Variants in PPM1B observed in about 807,000 individuals in gnomAD.
The protein encoded by PPM1B is protein phosphatase, Mg2+/Mn2+ dependent 1B, also known as protein phosphatase 1B.
Under a neutral mutation model 43.0 loss-of-function variants are expected in PPM1B, and 22 were observed. The ratio of observed to expected loss-of-function variants is 0.51; its 90% CI spans 0.37 to 0.73. PPM1B has a LOEUF of 0.73. Ranked by LOEUF, PPM1B falls within the 30% of genes least tolerant of loss-of-function variation. The probability of loss-of-function intolerance (pLI) is 0.00; values close to 1 mark genes in which losing one functional copy is unlikely to be tolerated. For synonymous variants in PPM1B, 217 were observed against 197.9 expected, an observed-to-expected ratio of 1.10 and a Z score of -0.81; for missense variants, 632 against 584.2, an observed-to-expected ratio of 1.08 and a Z score of -0.84.
At chr2:44,220,519 T>C (rs1396848082) in intron 5 of PPM1B, among the ~76,000 whole-genome samples, 3 of 152,226 alleles carry the variant, frequency 2.0e-5, no homozygotes, top group African/African-American at 7.2e-5. Flanking sequence ...ATATATGTAC[T>C]TAATTACCTT....
chr2:44,175,271 G>C (rs778392801), intron 1 of PPM1B, among the ~76,000 whole-genome samples: 2 of 151,976 alleles, frequency 1.3e-5, no homozygotes, highest in Non-Finnish European at 2.9e-5. Context: ...AAAAGTGGGG[G>C]TGGGGGAACA....
At chr2:44,231,559 A>G (rs1409510209), downstream of PPM1B, 3 of 682,988 alleles carry the variant, frequency 4.4e-6, no homozygotes, top group East Asian at 1.3e-4. Flanking sequence ...ATTCATTTGT[A>G]TTTATATAAC....
chr2:44,201,148 CA>C lies in PPM1B; in HGVS notation c.-14-35del. ...GGAATATTGTACATACATTTTCTGT[CA>C]AATTTAAACATTTAACACCTGCATT... On this transcript the variant is annotated intron_variant, in intron 1 of 5. Transcript: ENST00000282412. This position sits in a 1 kb window ranked among gnomAD's most constrained non-coding sequence, Gnocchi z 5.4. 1 of 1,514,900 alleles carries C rather than the reference CA, an allele frequency of 6.6e-7. No homozygotes were observed. The highest frequency in any genetic ancestry group is 1.3e-5 in the South Asian group (1 of 75,454). The allele number at this position is 1,514,900 out of a possible 1,614,324, so 93.8% of individuals were successfully genotyped here. A position where few individuals can be genotyped will look rare whatever the true frequency, so the allele number is the denominator to read the frequency against.
At position 44,231,327 on chromosome 2, in the gene PPM1B, G is replaced by A. The variant is rs1401037982; in HGVS notation, c.*609G>A. On this transcript the variant is annotated 3_prime_UTR_variant, in exon 6 of 6. Coordinates refer to ENST00000282412, the MANE Select transcript of PPM1B (RefSeq NM_002706.6). ...GTATTCTTTATGAAACATAACTTTTGAAAAACCTATGTATTATTCATACAG... is the reference window on the plus strand; with the variant it reads ...GTATTCTTTATGAAACATAACTTTTAAAAAACCTATGTATTATTCATACAG... The A allele has an allele frequency of 1.0e-6, 1 of 979,762 alleles. No individual in the cohort carries two copies. Among genetic ancestry groups the A allele is most frequent in the East Asian group, 1.1e-4 (1 of 8,798 alleles). The allele number at this position is 979,762 out of a possible 1,614,324, so 60.7% of individuals were successfully genotyped here.
chr2:44,205,356 T>TGTGG (rs1276024228), intron 2 of PPM1B, among the ~76,000 whole-genome samples: 2 of 145,082 alleles, frequency 1.4e-5, no homozygotes, highest in Non-Finnish European at 3.1e-5. Flanking sequence ...TGGGTGTGGG[T>TGTGG]GTGTGTGTGT....
intron 5 of PPM1B, 50 bp from the exon 6 acceptor site, chr2:44,230,363 T>G (rs375973434): frequency 7.0e-5 from 112 of 1,589,742 alleles, no homozygotes; most frequent in Non-Finnish European, 9.1e-5. Flanking sequence ...GAAATACATG[T>G]GATATCCTAG....
At chr2:44,208,618 C>A (rs1257356357) in intron 2 of PPM1B, among the ~76,000 whole-genome samples, 2 of 152,182 alleles carry the variant, frequency 1.3e-5, no homozygotes, top group African/African-American at 4.8e-5. Context: ...GAGGCTGAGG[C>A]AGGAGAATTG....
chr2:44,212,781 C>A (rs184242064), intron 3 of PPM1B, among the ~76,000 whole-genome samples: 5 of 151,926 alleles, frequency 3.3e-5, no homozygotes, highest in African/African-American at 1.2e-4. Context: ...GAGACCGAGG[C>A]GGGCAGATCA....
chr2:44,205,116 A>G (rs1572720053), intron 2 of PPM1B, among the ~76,000 whole-genome samples: 1 of 152,184 alleles, frequency 6.6e-6, no homozygotes, highest in South Asian at 2.1e-4. Flanking sequence ...TAACTTGTAA[A>G]TGATACATAC....
intron 5 of PPM1B, among the ~76,000 whole-genome samples, chr2:44,242,155 G>T (rs1242616188): frequency 6.6e-6 from 1 of 152,098 alleles, no homozygotes. Context: ...ACCACGCCTG[G>T]CCAGAAAATA....
At chr2:44,171,941 C>A (rs956646243) in intron 1 of PPM1B, among the ~76,000 whole-genome samples, 1 of 150,852 alleles carries the variant, frequency 6.6e-6, no homozygotes, top group African/African-American at 2.4e-5. Flanking sequence ...TAGTATAATT[C>A]TAACTCTCGC....
At chr2:44,195,683 T>TA (rs1479370676) in intron 1 of PPM1B, among the ~76,000 whole-genome samples, 2 of 152,160 alleles carry the variant, frequency 1.3e-5, no homozygotes, top group Admixed American at 6.5e-5. Context: ...TCTCTAAAAA[T>TA]AAAAAATACA....
At chr2:44,173,340 TA>T (rs1320517970) in intron 1 of PPM1B, among the ~76,000 whole-genome samples, 14 of 152,272 alleles carry the variant, frequency 9.2e-5, no homozygotes, top group Non-Finnish European at 1.6e-4. Flanking sequence ...TTTAGTAACA[TA>T]TAACATCCTA....
At chr2:44,218,229 A>G in intron 4 of PPM1B, 151 bp downstream of exon 4, 1 of 698,318 alleles carries the variant, frequency 1.4e-6, no homozygotes, top group East Asian at 2.7e-5. Context: ...TAAAACTTCA[A>G]CCAAAAACGA....
At chr2:44,218,150 T>A in intron 4 of PPM1B, 72 bp downstream of exon 4, 3 of 1,131,496 alleles carry the variant, frequency 2.7e-6, no homozygotes, top group Non-Finnish European at 4.0e-6. Flanking sequence ...TAAAAAAACT[T>A]AAATCAGAAG....
At chr2:44,221,459 A>G (rs1337628353) in intron 5 of PPM1B, among the ~76,000 whole-genome samples, 2 of 152,228 alleles carry the variant, frequency 1.3e-5, no homozygotes, top group African/African-American at 4.8e-5. Context: ...AAGGTGCTCC[A>G]TAAATGCTTC....
At chr2:44,207,377 T>C (rs188216796) in intron 2 of PPM1B, among the ~76,000 whole-genome samples, 243 of 152,228 alleles carry the variant, frequency 1.6e-3, no homozygotes, top group African/African-American at 5.6e-3. Context: ...TCAGACAAAA[T>C]AGCCTACCAC....
Position 44,244,298 on chromosome 2 carries a change from A to C in PPM1B, n.1617A>C, listed in dbSNP as rs1670811306. On this transcript the variant is annotated non_coding_transcript_exon_variant, in exon 6 of 6. Transcript: ENST00000378540. ...GGTGACAAGAAAGGCAGTGGCTGGCAGACCTTCCAAGCACTCAGAAGCACG... is the reference window on the plus strand; with the variant it reads ...GGTGACAAGAAAGGCAGTGGCTGGCCGACCTTCCAAGCACTCAGAAGCACG... The C allele has an allele frequency of 4.4e-6, 6 of 1,360,786 alleles. No individual in the cohort carries two copies. The South Asian group carries it at 5.7e-5, about 13-fold the overall frequency. The allele number at this position is 1,360,786 out of a possible 1,614,324, so 84.3% of individuals were successfully genotyped here. A position where few individuals can be genotyped will look rare whatever the true frequency, so the allele number is the denominator to read the frequency against.
At position 44,201,039 on chromosome 2, in the gene PPM1B, A is replaced by G. The variant is rs1474135471; in HGVS notation, c.-14-147A>G. 1 of 807,460 alleles carries G rather than the reference A, an allele frequency of 1.2e-6. No homozygotes were observed. The allele number at this position is 807,460 out of a possible 1,614,324, so 50.0% of individuals were successfully genotyped here. ...TGTTCTGTAGGATGTAGGGGAGGAA[A>G]TTTCTTGGGCTTTTGTTGTTGCTCC... On this transcript the variant is annotated intron_variant, in intron 1 of 5. Coordinates refer to ENST00000282412, the MANE Select transcript of PPM1B (RefSeq NM_002706.6). This position sits in a 1 kb window ranked among gnomAD's most constrained non-coding sequence, Gnocchi z 5.4.
Sources: allele counts gnomAD v4.1 joint callset (sites outside exome capture counted in the v4.1 genomes callset), GRCh38; gene constraint gnomAD v4.1.1; non-coding constraint Gnocchi (gnomAD v3.1); transcripts MANE v1.5; gene names NCBI Gene and HGNC (gene_info 2026-07-23, HGNC 2026-07-21).